VBP1: variants seen among roughly 807,000 people sequenced by gnomAD.
VBP1 encodes the protein prefoldin subunit 3.
A neutral mutation model predicts 15.5 loss-of-function variants in VBP1; 4 were observed. The observed-to-expected ratio is 0.26, with a 90% CI of 0.13 to 0.59. The LOEUF (loss-of-function observed/expected upper bound fraction) is 0.59, where lower values mean the gene tolerates loss of function less well. Among genes scored for constraint, VBP1 ranks in the 20% least tolerant of loss-of-function variants. VBP1 has a pLI of 0.90. For synonymous variants in VBP1, 61 were observed against 52.1 expected (o/e 1.17, Z -0.74); for missense variants, 108 against 139.6 (o/e 0.77, Z 1.14).
intron 1 of VBP1, 142 bp downstream of exon 1, chrX:155,216,717 C>T (rs2074666469): frequency 2.4e-6 from 2 of 821,155 alleles, no homozygotes; most frequent in East Asian, 3.6e-5. Context: ...TCTCACCCCT[C>T]GCACCTGGAC....
intron 5 of VBP1, among the ~76,000 whole-genome samples, chrX:155,238,081 T>C (rs970768194): frequency 9.0e-6 from 1 of 111,671 alleles, no homozygotes; most frequent in African/African-American, 3.3e-5. Context: ...TCCAGTGACT[T>C]AGATGGGTAC....
intron 1 of VBP1, among the ~76,000 whole-genome samples, chrX:155,197,928 G>A (rs2074584651): frequency 8.9e-6 from 1 of 112,488 alleles, no homozygotes; most frequent in Non-Finnish European, 1.9e-5. Flanking sequence ...TTTCCGATGG[G>A]CTTAAAAAAC....
intron 2 of VBP1, among the ~76,000 whole-genome samples, chrX:155,223,109 C>CCTTTTTTTTTTTTTTTTTTTT: frequency 1.0e-5 from 1 of 95,944 alleles, no homozygotes; most frequent in African/African-American, 4.1e-5. Flanking sequence ...TACATGCTAG[C>CCTTTTTTTTTTTTTTTTTTTT]CTTTTTGTTT....
intron 4 of VBP1, among the ~76,000 whole-genome samples, chrX:155,229,641 G>A (rs368288085): frequency 1.8e-4 from 20 of 111,137 alleles, no homozygotes; most frequent in East Asian, 2.8e-4. Flanking sequence ...TCTGTCTTTT[G>A]TAACTGTTCT....
chrX:155,212,531 G>A (rs782412796), upstream of VBP1, among the ~76,000 whole-genome samples: 12 of 111,802 alleles, frequency 1.1e-4, no homozygotes, highest in Middle Eastern at 9.1e-3. Flanking sequence ...ACCAGAGGTC[G>A]TAGTCAAAAT....
At chrX:155,205,953 G>T (rs1164569736) in intron 1 of VBP1, among the ~76,000 whole-genome samples, 1 of 112,150 alleles carries the variant, frequency 8.9e-6, no homozygotes, top group Non-Finnish European at 1.9e-5. Flanking sequence ...TCATGTGACT[G>T]AATCTAATAG....
chrX:155,233,508 G>C lies in VBP1; in HGVS notation c.385-2721G>C, dbSNP rs1241845594. On this transcript the variant is annotated intron_variant, in intron 4 of 5. Coordinates refer to ENST00000286428, the MANE Select transcript of VBP1 (RefSeq NM_003372.7). ...TAACTAGATTAGGCCTACCTAGGCA[G>C]TCTGTATATTAAGGTCAGCTCTGAC... is the stretch of plus-strand genomic sequence containing the variant. Among the ~76,000 whole-genome samples the C allele has an allele frequency of 4.4e-5, 5 of 112,502 alleles. No homozygotes were observed. In the East Asian group the frequency reaches 1.1e-3, roughly 25 times the overall value.
Position 155,239,553 on chromosome X carries a change from C to T in VBP1, c.*711C>T, listed in dbSNP as rs2074789894. 1 of 111,556 alleles carries T rather than the reference C, an allele frequency of 9.0e-6. No individual in the cohort carries two copies. Among genetic ancestry groups the T allele is most frequent in the Non-Finnish European group, 1.9e-5 (1 of 53,139 alleles). 9.2% of individuals were successfully genotyped at this position (111,556 alleles called of 1,213,427 possible). ...GATTTTGTAGTTCTTAACAGTTCTC[C>T]AGAGCATCTTGAACAGGAATATTAA... On this transcript the variant is annotated 3_prime_UTR_variant, in exon 6 of 6. Coordinates refer to ENST00000286428, the MANE Select transcript of VBP1 (RefSeq NM_003372.7).
At chrX:155,197,825 T>C (rs948582457) in intron 1 of VBP1, among the ~76,000 whole-genome samples, 2 of 112,377 alleles carry the variant, frequency 1.8e-5, no homozygotes, top group Non-Finnish European at 3.8e-5. Flanking sequence ...ACTTGGGAAG[T>C]GCAAGGGGTC....
At chrX:155,220,037 G>C (rs1275958339) in intron 1 of VBP1, 146 bp from the exon 2 acceptor site, 1 of 440,132 alleles carries the variant, frequency 2.3e-6, no homozygotes, top group Non-Finnish European at 3.5e-6. Context: ...TTTAGATAAG[G>C]GTGCTTAACC....
intron 2 of VBP1, among the ~76,000 whole-genome samples, chrX:155,223,642 C>T (rs782007376): frequency 2.7e-5 from 3 of 112,867 alleles, no homozygotes; most frequent in African/African-American, 6.4e-5. Context: ...TTCCTTTCCC[C>T]ACATTTCCCC....
intron 1 of VBP1, among the ~76,000 whole-genome samples, chrX:155,200,740 G>A (rs1393400218): frequency 8.4e-5 from 9 of 106,734 alleles, no homozygotes; most frequent in Admixed American, 2.0e-4. Context: ...GCTAGCAGAA[G>A]GCAAGAAATA....
chrX:155,236,491 A>C (rs2074773913), intron 5 of VBP1, 124 bp downstream of exon 5: 1 of 792,202 alleles, frequency 1.3e-6, no homozygotes, highest in African/African-American at 2.1e-5. Context: ...CTTAATACCT[A>C]GGTGATGGGT....
rs1253743261 is a variant in VBP1, at chrX:155,230,590, C to G, written c.384+2108C>G. Reference sequence around the variant, plus strand: ...GTCATTCCATTATTCTGCCCAAAATCTTTGAATGGTTTCTTATCACATTCC... The same window carrying G: ...GTCATTCCATTATTCTGCCCAAAATGTTTGAATGGTTTCTTATCACATTCC... On this transcript the variant is annotated intron_variant, in intron 4 of 5. Transcript: ENST00000286428. Among the ~76,000 whole-genome samples, 5 of 111,628 alleles carry G rather than the reference C, an allele frequency of 4.5e-5. No individual in the cohort carries two copies. The South Asian group carries it at 1.1e-3, about 25-fold the overall frequency.
In VBP1 at chrX:155,239,120, A is replaced by G. The variant is rs2074787735; in HGVS notation, c.*278A>G. ...CTGAAATGGCCGAAAACTGTGAGAC[A>G]TGCTATGGAAGCTGAATGCCGGACG... On this transcript the variant is annotated 3_prime_UTR_variant, in exon 6 of 6. Coordinates refer to ENST00000286428, the MANE Select transcript of VBP1 (RefSeq NM_003372.7). 4.5e-6 allele frequency: 1 copy of G among 220,837 alleles called. No individual in the cohort carries two copies. Among genetic ancestry groups the G allele is most frequent in the African/African-American group, 2.9e-5 (1 of 34,007 alleles). 18.2% of individuals were successfully genotyped at this position (220,837 alleles called of 1,213,427 possible). A position where few individuals can be genotyped will look rare whatever the true frequency, so the allele number is the denominator to read the frequency against.
chrX:155,223,931 G>A (rs2074704888), intron 2 of VBP1, among the ~76,000 whole-genome samples: 1 of 108,036 alleles, frequency 9.3e-6, no homozygotes. Context: ...CAGACGGGGT[G>A]GCTGGTCAGA....
chrX:155,232,373 C>T (rs1557311000), intron 4 of VBP1, among the ~76,000 whole-genome samples: 2 of 110,881 alleles, frequency 1.8e-5, no homozygotes, highest in African/African-American at 3.3e-5. Flanking sequence ...TTAATGTAAT[C>T]GACTTTATCA....
At chrX:155,200,678 C>A (rs1184857031) in intron 1 of VBP1, among the ~76,000 whole-genome samples, 1 of 103,556 alleles carries the variant, frequency 9.7e-6, no homozygotes, top group African/African-American at 3.5e-5. Context: ...AAATTGACAC[C>A]CTAACATCAC....
At chrX:155,234,591 A>G (rs1432337103) in intron 4 of VBP1, among the ~76,000 whole-genome samples, 1 of 111,647 alleles carries the variant, frequency 9.0e-6, no homozygotes, top group Non-Finnish European at 1.9e-5. Context: ...CATTCTTTAT[A>G]AGGTTGTTCC....
Sources: gnomAD v4.1 joint callset for allele counts (sites outside exome capture counted in the v4.1 genomes callset) on GRCh38, gnomAD v4.1.1 for gene constraint, MANE v1.5 for transcripts, NCBI Gene and HGNC (gene_info 2026-07-23, HGNC 2026-07-21) for gene names.